PHACTR1: variants seen among roughly 807,000 people sequenced by gnomAD.
PHACTR1 encodes the protein RPEL repeat containing 1.
Under a neutral mutation model 69.2 loss-of-function variants are expected in PHACTR1, and 16 were observed. The ratio of observed to expected loss-of-function variants is 0.23; its 90% CI spans 0.16 to 0.35. The LOEUF is 0.35. Ranked by LOEUF, PHACTR1 falls within the 10% of genes least tolerant of loss-of-function variation. The pLI, the probability that PHACTR1 is intolerant of heterozygous loss-of-function variation, is 1.00. For missense variants in PHACTR1, 510 were observed against 734.7 expected (o/e 0.69, Z 3.54); for synonymous variants, 312 against 284.5 (o/e 1.10, Z -0.97).
At chr6:13,125,849 G>A (rs1360135455) in intron 5 of PHACTR1, among the ~76,000 whole-genome samples, 2 of 152,174 alleles carry the variant, frequency 1.3e-5, no homozygotes, top group South Asian at 2.1e-4. Context: ...AGGATTGCCT[G>A]AGCCTGGGAA....
At chr6:13,230,717 G>A (rs1254122557) in intron 10 of PHACTR1, among the ~76,000 whole-genome samples, 2 of 152,050 alleles carry the variant, frequency 1.3e-5, no homozygotes, top group Non-Finnish European at 2.9e-5. Context: ...ATCATCTGTA[G>A]AAAAGCCTCC....
chr6:12,985,703 C>A (rs991425059), intron 4 of PHACTR1, among the ~76,000 whole-genome samples: 23 of 151,596 alleles, frequency 1.5e-4, no homozygotes, highest in African/African-American at 5.6e-4. Flanking sequence ...TGTAATTATG[C>A]AATGGTATAG....
intron 7 of PHACTR1, among the ~76,000 whole-genome samples, chr6:13,186,970 G>A (rs555227385): frequency 2.1e-4 from 32 of 152,152 alleles, no homozygotes; most frequent in African/African-American, 6.5e-4. Context: ...GACAGTGACC[G>A]ATCGTCAGGC....
chr6:12,803,423 A>T (rs1332258376), intron 4 of PHACTR1, among the ~76,000 whole-genome samples: 2 of 152,164 alleles, frequency 1.3e-5, no homozygotes, highest in African/African-American at 2.4e-5. Context: ...GGAAGACTAA[A>T]GAACACTCTA....
intron 4 of PHACTR1, among the ~76,000 whole-genome samples, chr6:12,929,503 C>A (rs184578556): frequency 6.6e-6 from 1 of 152,136 alleles, no homozygotes; most frequent in Non-Finnish European, 1.5e-5. Context: ...AAATGTTATC[C>A]TCAGATGATG....
At chr6:13,134,064 G>A (rs9981647) in intron 5 of PHACTR1, among the ~76,000 whole-genome samples, 8 of 149,426 alleles carry the variant, frequency 5.4e-5, no homozygotes, top group East Asian at 2.0e-4. Flanking sequence ...CTGCCCTGCC[G>A]CCCCGTCTGA....
chr6:12,784,698 G>A (rs1321980654), intron 4 of PHACTR1, among the ~76,000 whole-genome samples: 1 of 148,862 alleles, frequency 6.7e-6, no homozygotes, highest in Non-Finnish European at 1.5e-5. Flanking sequence ...GTATATATAT[G>A]TATTTATAAA....
intron 11 of PHACTR1, chr6:13,274,907 T>A (rs181859888): frequency 6.6e-6 from 1 of 152,368 alleles, no homozygotes; most frequent in East Asian, 1.9e-4. Flanking sequence ...GGTCATTTCA[T>A]AGTTTTGAAA....
rs181697150 is a variant in PHACTR1, at chr6:13,086,235, T to A, written c.415+32706T>A. On this transcript the variant is annotated intron_variant, in intron 5 of 14. Transcript: ENST00000332995. The stretch of plus-strand genomic sequence containing the variant: ...AGAGTTTCTATAACATAATATAAAT[T>A]GCCTAAATGCATACTAGTAGAAATA... 2.0e-5 allele frequency among the ~76,000 whole-genome samples: 3 copies of A among 152,148 alleles called. No homozygotes were observed. In the East Asian group the frequency reaches 5.8e-4, roughly 29 times the overall value.
intron 4 of PHACTR1, among the ~76,000 whole-genome samples, chr6:12,995,853 T>C (rs1229395420): frequency 6.6e-6 from 1 of 152,080 alleles, no homozygotes; most frequent in Non-Finnish European, 1.5e-5. Flanking sequence ...AGTAATTTTA[T>C]TGGAGATTTG....
chr6:12,892,602 A>G (rs1475484932), intron 4 of PHACTR1, among the ~76,000 whole-genome samples: 1 of 152,246 alleles, frequency 6.6e-6, no homozygotes, highest in Non-Finnish European at 1.5e-5. Flanking sequence ...ACTTGAGTTA[A>G]TGGTCAAGCA....
intron 8 of PHACTR1, among the ~76,000 whole-genome samples, chr6:13,211,215 A>G (rs1244526089): frequency 6.6e-6 from 1 of 152,114 alleles, no homozygotes; most frequent in Non-Finnish European, 1.5e-5. Context: ...GGGTGCACCC[A>G]TCACCCGAGC....
intron 5 of PHACTR1, among the ~76,000 whole-genome samples, chr6:13,147,963 TCCC>T (rs1360966672): frequency 6.6e-6 from 1 of 152,112 alleles, no homozygotes; most frequent in African/African-American, 2.4e-5. Context: ...GTAATTCCCC[TCCC>T]CACCAGAGGT....
intron 5 of PHACTR1, among the ~76,000 whole-genome samples, chr6:13,115,910 A>G (rs1244422003): frequency 1.3e-5 from 2 of 152,206 alleles, no homozygotes; most frequent in Non-Finnish European, 2.9e-5. Flanking sequence ...GCAGGTGCGT[A>G]GGGGATTTCT....
chr6:12,808,106 G>A (rs140842146), intron 4 of PHACTR1, among the ~76,000 whole-genome samples: 7 of 152,126 alleles, frequency 4.6e-5, no homozygotes, highest in African/African-American at 1.4e-4. Flanking sequence ...ATATCTTCAC[G>A]TTTAAAAAAG....
At chr6:12,727,338 T>C (rs1762922370) in intron 3 of PHACTR1, among the ~76,000 whole-genome samples, 1 of 152,226 alleles carries the variant, frequency 6.6e-6, no homozygotes, top group Admixed American at 6.5e-5. Flanking sequence ...TTCTGGAGTG[T>C]GCCCTGGGAA....
intron 4 of PHACTR1, among the ~76,000 whole-genome samples, chr6:12,830,015 A>C: frequency 6.8e-6 from 1 of 147,156 alleles, no homozygotes. Flanking sequence ...GAAGGAAGGA[A>C]GGAAAAGAAA....
intron 8 of PHACTR1, 34 bp from the exon 9 acceptor site, chr6:13,227,782 G>A: frequency 6.2e-7 from 1 of 1,603,862 alleles, no homozygotes; most frequent in Middle Eastern, 1.7e-4. Flanking sequence ...GTTAGCCAAA[G>A]TGAATTTCCT....
chr6:13,072,379 A>G (rs1227695965), intron 5 of PHACTR1, among the ~76,000 whole-genome samples: 1 of 152,180 alleles, frequency 6.6e-6, no homozygotes, highest in African/African-American at 2.4e-5. Context: ...AAACTTGAGA[A>G]TTTTTAAAAA....
Sources: allele counts gnomAD v4.1 joint callset (sites outside exome capture counted in the v4.1 genomes callset), GRCh38; gene constraint gnomAD v4.1.1; transcripts MANE v1.5; gene names NCBI Gene and HGNC (gene_info 2026-07-23, HGNC 2026-07-21).